The following PRKAR2A variants were observed in gnomAD, a reference collection of about 807,000 sequenced individuals.
PRKAR2A encodes the protein protein kinase cAMP-dependent type II regulatory subunit alpha.
Under a neutral mutation model 51.9 loss-of-function variants are expected in PRKAR2A, and 29 were observed. The ratio of observed to expected loss-of-function variants is 0.56; its 90% confidence interval spans 0.42 to 0.76. The LOEUF (loss-of-function observed/expected upper bound fraction) is 0.76. Among genes scored for constraint, PRKAR2A ranks in the 30% least tolerant of loss-of-function variants. The probability of loss-of-function intolerance (pLI) is 0.00; values close to 1 mark genes in which losing one functional copy is unlikely to be tolerated. For synonymous variants in PRKAR2A, 178 were observed against 186.2 expected (o/e 0.96, Z 0.36); for missense variants, 445 against 512.1 (o/e 0.87, Z 1.26).
Position 48,751,443 on chromosome 3 carries a change from T to G in PRKAR2A, c.*142A>C. ...ATCCTTTAGTGCTGACTTTCAAGTT[T>G]TCTAAATGCCCATAACCACAGCAAT... is the stretch of plus-strand genomic sequence containing the variant. On this transcript the variant is annotated 3_prime_UTR_variant, in exon 11 of 11. Transcript: ENST00000265563. 6.3e-6 allele frequency: 8 copies of G among 1,278,200 alleles called. No homozygotes were observed. The highest frequency in any genetic ancestry group is 8.9e-6 in the Non-Finnish European group (8 of 899,474). 79.2% of individuals were successfully genotyped at this position (1,278,200 alleles called of 1,614,324 possible).
At chr3:48,803,240 C>T (rs2082618196) in intron 2 of PRKAR2A, among the ~76,000 whole-genome samples, 1 of 151,726 alleles carries the variant, frequency 6.6e-6, no homozygotes, top group African/African-American at 2.4e-5. Flanking sequence ...AAAGGGAGAC[C>T]TTGTCTTTAC....
At chr3:48,831,256 C>T (rs2083183212) in intron 1 of PRKAR2A, among the ~76,000 whole-genome samples, 1 of 152,010 alleles carries the variant, frequency 6.6e-6, no homozygotes, top group Admixed American at 6.6e-5. Context: ...AGGGGATTAC[C>T]ATTTTATAAT....
Position 48,749,009 on chromosome 3 carries a change from T to G in PRKAR2A, c.*2576A>C, listed in dbSNP as rs1325142599. The G allele has an allele frequency of 6.6e-6, 1 of 152,252 alleles. No homozygotes were observed. Among genetic ancestry groups the G allele is most frequent in the Non-Finnish European group, 1.5e-5 (1 of 68,048 alleles). The allele number at this position is 152,252 out of a possible 1,614,324, so 9.4% of individuals were successfully genotyped here. The stretch of plus-strand genomic sequence containing the variant: ...TGGGTTATTTACTCTGGAAATATCT[T>G]GGTCACACTGTCCGTGGCAAAAGCG... On this transcript the variant is annotated 3_prime_UTR_variant, in exon 11 of 11. Coordinates refer to ENST00000265563, the MANE Select transcript of PRKAR2A (RefSeq NM_004157.4).
intron 5 of PRKAR2A, among the ~76,000 whole-genome samples, chr3:48,780,432 T>C (rs1376172246): frequency 2.0e-5 from 3 of 151,278 alleles, no homozygotes; most frequent in African/African-American, 7.3e-5. Flanking sequence ...TGAAACTCCA[T>C]CTCTACTAAA....
rs1254599978 is a variant in PRKAR2A, at chr3:48,751,310, T to C, written c.*275A>G. The C allele has an allele frequency of 3.4e-6, 2 of 587,024 alleles. No homozygotes were observed. Among genetic ancestry groups the C allele is most frequent in the Non-Finnish European group, 6.4e-6 (2 of 311,560 alleles). 36.4% of individuals were successfully genotyped at this position (587,024 alleles called of 1,614,324 possible). A position where few individuals can be genotyped will look rare whatever the true frequency, so the allele number is the denominator to read the frequency against. On this transcript the variant is annotated 3_prime_UTR_variant, in exon 11 of 11. Coordinates refer to ENST00000265563, the MANE Select transcript of PRKAR2A (RefSeq NM_004157.4). ...AGGCACTTAAATTGTTGGAGAGACATGCCGTTTTGAACCAAAGATATAAAA... is the reference window on the plus strand; with the variant it reads ...AGGCACTTAAATTGTTGGAGAGACACGCCGTTTTGAACCAAAGATATAAAA...
At chr3:48,764,963 G>T (rs2081917207) in intron 8 of PRKAR2A, 41 bp downstream of exon 8, 6 of 1,561,124 alleles carry the variant, frequency 3.8e-6, no homozygotes, top group Non-Finnish European at 5.3e-6. Context: ...GTTCTTCAGG[G>T]GTGACTTCCA....
At position 48,847,664 on chromosome 3, in the gene PRKAR2A, C is replaced by T; in HGVS notation, c.-68G>A. 7.3e-7 allele frequency: 1 copy of T among 1,375,284 alleles called. No homozygotes were observed. Among genetic ancestry groups the T allele is most frequent in the Non-Finnish European group, 9.4e-7 (1 of 1,067,110 alleles). The allele number at this position is 1,375,284 out of a possible 1,614,324, so 85.2% of individuals were successfully genotyped here. The stretch of plus-strand genomic sequence containing the variant: ...GCCACTGTCTCCGCGCTCACTCACG[C>T]CGGCCTTTCGCTCCGCGCCCGCGAG... On this transcript the variant is annotated 5_prime_UTR_variant, in exon 1 of 11. Coordinates refer to ENST00000265563, the MANE Select transcript of PRKAR2A (RefSeq NM_004157.4). The surrounding 1 kb of genome is among the most constrained non-coding windows in gnomAD (Gnocchi z 4.4).
At chr3:48,800,013 C>G (rs962629706) in intron 2 of PRKAR2A, among the ~76,000 whole-genome samples, 4 of 151,876 alleles carry the variant, frequency 2.6e-5, no homozygotes, top group Non-Finnish European at 5.9e-5. Context: ...GCACCTGCCA[C>G]CACACTCAGT....
chr3:48,775,628 C>T (rs2082094806), intron 5 of PRKAR2A, among the ~76,000 whole-genome samples: 2 of 151,730 alleles, frequency 1.3e-5, no homozygotes, highest in Admixed American at 1.3e-4. Flanking sequence ...CTTAAAAAGA[C>T]CCTTTGATAT....
At position 48,756,511 on chromosome 3, in the gene PRKAR2A, C is replaced by G. The variant is rs571036881; in HGVS notation, c.874-67G>C. On this transcript the variant is annotated intron_variant, in intron 8 of 10. Transcript: ENST00000265563. ...TGAAGGGGAATAAAGAAATAGATTGCTTTTTCACTGCTTAAGCTCTGATTT... is the reference window on the plus strand; with the variant it reads ...TGAAGGGGAATAAAGAAATAGATTGGTTTTTCACTGCTTAAGCTCTGATTT... The G allele has an allele frequency of 2.1e-5, 24 of 1,135,506 alleles. 1 individual carries two copies. The highest frequency in any genetic ancestry group is 3.9e-4 in the Middle Eastern group (2 of 5,072). The allele number at this position is 1,135,506 out of a possible 1,614,324, so 70.3% of individuals were successfully genotyped here.
chr3:48,777,708 T>C (rs758300953), intron 5 of PRKAR2A, among the ~76,000 whole-genome samples: 9 of 152,032 alleles, frequency 5.9e-5, no homozygotes, highest in Non-Finnish European at 7.4e-5. Context: ...CCAGGCCTTT[T>C]ATTTTTTTAT....
At position 48,805,867 on chromosome 3, in the gene PRKAR2A, G is replaced by A. The variant is rs184258942; in HGVS notation, c.298+1782C>T. Among the ~76,000 whole-genome samples the A allele has an allele frequency of 9.9e-5, 15 of 152,270 alleles. 1 individual carries two copies. The highest frequency in any genetic ancestry group is 7.9e-4 in the Admixed American group (12 of 15,278). On this transcript the variant is annotated intron_variant, in intron 2 of 10. Coordinates refer to ENST00000265563, the MANE Select transcript of PRKAR2A (RefSeq NM_004157.4). Reference sequence around the variant, plus strand: ...ATCTAAGGAGGAGGGATAATACCATGTACTTGTCTGAGTCTTCTACAAGGT... The same window carrying A: ...ATCTAAGGAGGAGGGATAATACCATATACTTGTCTGAGTCTTCTACAAGGT...
At chr3:48,809,148 A>G (rs1435994718) in intron 1 of PRKAR2A, among the ~76,000 whole-genome samples, 1 of 152,200 alleles carries the variant, frequency 6.6e-6, no homozygotes, top group African/African-American at 2.4e-5. Context: ...CTGTTACAAT[A>G]TAAAGTACCT....
At chr3:48,756,131 G>A (rs1295212736) in intron 9 of PRKAR2A, among the ~76,000 whole-genome samples, 1 of 152,052 alleles carries the variant, frequency 6.6e-6, no homozygotes, top group Non-Finnish European at 1.5e-5. Flanking sequence ...TGATTTGTAG[G>A]CCAATATTCC....
Position 48,847,492 on chromosome 3 carries a change from C to T in PRKAR2A, c.105G>A (p.Glu35=), listed in dbSNP as rs1249899951. 8.4e-6 allele frequency: 13 copies of T among 1,556,164 alleles called. No individual in the cohort carries two copies. Among genetic ancestry groups the T allele is most frequent in the Non-Finnish European group, 9.6e-6 (11 of 1,150,332 alleles). Residue 35 remains glutamate, a synonymous_variant, in exon 1 of 11, where the codon GAG becomes GAA. Coordinates refer to ENST00000265563, the MANE Select transcript of PRKAR2A (RefSeq NM_004157.4). This position sits in a 1 kb window ranked among gnomAD's most constrained non-coding sequence, Gnocchi z 4.4. ...QPPDLVEFAV[E]YFTRLREARA... is the part of the protein sequence containing the mutation. ...GGGCCTCGCGCAGGCGGGTGAAGTA[C>T]TCCACTGCGAATTCGACGAGGTCAG... is the stretch of plus-strand genomic sequence containing the variant.
chr3:48,847,408 C>CG lies in PRKAR2A; in HGVS notation c.188dup (p.Pro64AlafsTer29). On this transcript the variant is annotated frameshift_variant, in exon 1 of 11. Coordinates refer to ENST00000265563, the MANE Select transcript of PRKAR2A (RefSeq NM_004157.4). LOFTEE classifies it high-confidence loss of function. The surrounding 1 kb of genome is among the most constrained non-coding windows in gnomAD (Gnocchi z 4.4). ...CGACACGGTCCGGGCCGGGTTCTGGCGGGGGGTGGCCCAGGCTCTGGCGTG... is the reference window on the plus strand; with the variant it reads ...CGACACGGTCCGGGCCGGGTTCTGGCGGGGGGGTGGCCCAGGCTCTGGCGTG... The CG allele has an allele frequency of 6.2e-7, 1 of 1,603,478 alleles. No individual in the cohort carries two copies. Among genetic ancestry groups the CG allele is most frequent in the Non-Finnish European group, 8.5e-7 (1 of 1,175,210 alleles).
In PRKAR2A at chr3:48,765,096, CAAAT is replaced by C. The variant is rs542616687; in HGVS notation, c.799-22_799-19del. 1.9e-6 allele frequency: 3 copies of C among 1,611,042 alleles called. No individual in the cohort carries two copies. The South Asian group carries it at 3.3e-5, about 18-fold the overall frequency. Reference sequence around the variant, plus strand: ...TCTGACACCTGAAACAACAAATTCACAAATAAAAGGAAAAGACCTTAATTGAAAG... The same window carrying C: ...TCTGACACCTGAAACAACAAATTCACAAAAGGAAAAGACCTTAATTGAAAG... On this transcript the variant is annotated intron_variant, in intron 7 of 10. Transcript: ENST00000265563.
chr3:48,755,902 C>T (rs2081755162), intron 9 of PRKAR2A, among the ~76,000 whole-genome samples: 1 of 151,932 alleles, frequency 6.6e-6, no homozygotes, highest in South Asian at 2.1e-4. Flanking sequence ...CCTCAGCCTC[C>T]TGAGTAGCTG....
At chr3:48,799,718 T>C (rs2107337783) in intron 2 of PRKAR2A, among the ~76,000 whole-genome samples, 1 of 152,352 alleles carries the variant, frequency 6.6e-6, no homozygotes, top group South Asian at 2.1e-4. Context: ...TTCTGCTGCC[T>C]GTCACAGTCA....
Sources: allele counts gnomAD v4.1 joint callset (sites outside exome capture counted in the v4.1 genomes callset), GRCh38; gene constraint gnomAD v4.1.1; non-coding constraint Gnocchi (gnomAD v3.1); transcripts MANE v1.5; gene names NCBI Gene and HGNC (gene_info 2026-07-23, HGNC 2026-07-21).